Variants in MFSD2A observed in about 807,000 individuals in gnomAD.
MFSD2A encodes sodium-dependent lysophosphatidylcholine symporter 1.
Under a neutral mutation model 64.7 loss-of-function variants are expected in MFSD2A, and 27 were observed. The observed-to-expected ratio is 0.42, with a 90% CI of 0.31 to 0.58. The LOEUF (loss-of-function observed/expected upper bound fraction) is 0.58, where lower values mean the gene tolerates loss of function less well. Ranked by LOEUF, MFSD2A falls within the 20% of genes least tolerant of loss-of-function variation. The pLI, the probability that MFSD2A is intolerant of heterozygous loss-of-function variation, is 0.18. For synonymous variants in MFSD2A, 258 were observed against 273.4 expected, an observed-to-expected ratio of 0.94 and a Z score of 0.55; for missense variants, 474 against 679.5, an observed-to-expected ratio of 0.70 and a Z score of 3.36.
intron 3 of MFSD2A, among the ~76,000 whole-genome samples, chr1:39,962,153 TCTC>T (rs1266423179): frequency 6.6e-6 from 1 of 152,208 alleles, no homozygotes; most frequent in Non-Finnish European, 1.5e-5. Context: ...TCCCGCCTCA[TCTC>T]CTAATTCTAT....
At position 39,968,508 on chromosome 1, in the gene MFSD2A, G is replaced by A. The variant is rs746526884; in HGVS notation, c.1352+31G>A. ...TGGGGTGGGGACCTGGGGCAGGACT[G>A]GGCAGGGCCAGGCCCCAGGTGCCCC... On this transcript the variant is annotated intron_variant, in intron 12 of 13. Transcript: ENST00000372811. This position sits in a 1 kb window ranked among gnomAD's most constrained non-coding sequence, Gnocchi z 4.4. 1 of 1,613,930 alleles carries A rather than the reference G, an allele frequency of 6.2e-7. No individual in the cohort carries two copies. Among genetic ancestry groups the A allele is most frequent in the Non-Finnish European group, 8.5e-7 (1 of 1,179,902 alleles).
chr1:39,966,753 G>A, intron 7 of MFSD2A, 58 bp from the exon 8 acceptor site: 1 of 1,613,370 alleles, frequency 6.2e-7, no homozygotes, highest in East Asian at 2.2e-5. Context: ...TTTCTGCCTG[G>A]CCCTCAGGCT....
chr1:39,962,324 G>T (rs1478760919), intron 3 of MFSD2A, among the ~76,000 whole-genome samples: 1 of 152,166 alleles, frequency 6.6e-6, no homozygotes, highest in Non-Finnish European at 1.5e-5. Context: ...CAGGCCTTTG[G>T]CATGGATGCC....
intron 9 of MFSD2A, 168 bp from the exon 10 acceptor site, chr1:39,967,460 G>A (rs1645187939): frequency 3.0e-6 from 2 of 674,784 alleles, no homozygotes; most frequent in Non-Finnish European, 5.2e-6. Context: ...CCAGCTCTGA[G>A]CTCCCCTGGG....
rs1289696857 is a variant in MFSD2A, at chr1:39,958,227, T to C, written c.229-474T>C. ...TTGAGTGGGTAGTGACAAGTCCCTT[T>C]TTAAAAAGCATCTATAGGCTCCTTT... On this transcript the variant is annotated intron_variant, in intron 2 of 13. Transcript: ENST00000372811. The surrounding 1 kb of genome is among the most constrained non-coding windows in gnomAD (Gnocchi z 4.7). Among the ~76,000 whole-genome samples, 1 of 152,072 alleles carries C rather than the reference T, an allele frequency of 6.6e-6. No homozygotes were observed. Among genetic ancestry groups the C allele is most frequent in the Admixed American group, 6.5e-5 (1 of 15,272 alleles).
In MFSD2A at chr1:39,955,437, T is replaced by TG; in HGVS notation, c.93+57dup. ...GGCGAGGGGAGGGAGGAGGCGGAAA[T>TG]GGGGGATCAGGGGCGTCCCGGGGTC... On this transcript the variant is annotated intron_variant, in intron 1 of 13. Coordinates refer to ENST00000372811, the MANE Select transcript of MFSD2A (RefSeq NM_032793.5). The surrounding 1 kb of genome is among the most constrained non-coding windows in gnomAD (Gnocchi z 5.9). The TG allele has an allele frequency of 1.3e-6, 2 of 1,491,856 alleles. No individual in the cohort carries two copies. Among genetic ancestry groups the TG allele is most frequent in the Non-Finnish European group, 9.0e-7 (1 of 1,114,574 alleles). The allele number at this position is 1,491,856 out of a possible 1,614,324, so 92.4% of individuals were successfully genotyped here. A position where few individuals can be genotyped will look rare whatever the true frequency, so the allele number is the denominator to read the frequency against.
At chr1:39,967,286 AG>A in intron 9 of MFSD2A, 117 bp downstream of exon 9, 1 of 915,160 alleles carries the variant, frequency 1.1e-6, no homozygotes, top group South Asian at 1.6e-5. Context: ...TGAAAGGATG[AG>A]GGAGGCTTCT....
At position 39,962,764 on chromosome 1, in the gene MFSD2A, T is replaced by G. The variant is rs113575627; in HGVS notation, c.354-2447T>G. On this transcript the variant is annotated intron_variant, in intron 3 of 13. Coordinates refer to ENST00000372811, the MANE Select transcript of MFSD2A (RefSeq NM_032793.5). ...AAGCTGGGCCGCTTGGTGAAGGACA[T>G]GAAGATCAAGTCCCTGCAGGAGATC... 919 of 966,314 alleles carry G rather than the reference T, an allele frequency of 9.5e-4. 8 individuals are homozygous for G. The African/African-American group carries it at 0.013, about 14-fold the overall frequency. The allele number at this position is 966,314 out of a possible 1,614,324, so 59.9% of individuals were successfully genotyped here.
chr1:39,966,951 G>T lies in MFSD2A; in HGVS notation c.927+19G>T. On this transcript the variant is annotated intron_variant, in intron 8 of 13. Transcript: ENST00000372811. ...TTTCATGGTGAGTGGGTTCTGACAT[G>T]CTCAGCCTGAGAAGGAGGTGTAATG... The T allele has an allele frequency of 6.2e-7, 1 of 1,613,194 alleles. No homozygotes were observed. Among genetic ancestry groups the T allele is most frequent in the Non-Finnish European group, 8.5e-7 (1 of 1,180,016 alleles).
rs569395948 is a variant in MFSD2A at position 39,960,457 on chromosome 1, G to A, written c.353+1632G>A. 1.3e-5 allele frequency among the ~76,000 whole-genome samples: 2 copies of A among 152,326 alleles called. No homozygotes were observed. Among genetic ancestry groups the A allele is most frequent in the Admixed American group, 6.5e-5 (1 of 15,308 alleles). ...ATCCAGTCTTCAGGGCCGGGGGCAG[G>A]ACAGCCTGCCTTACCTGTGCAGGCT... On this transcript the variant is annotated intron_variant, in intron 3 of 13. Coordinates refer to ENST00000372811, the MANE Select transcript of MFSD2A (RefSeq NM_032793.5). The surrounding 1 kb of genome is among the most constrained non-coding windows in gnomAD (Gnocchi z 4.8).
At position 39,967,688 on chromosome 1, in the gene MFSD2A, A is replaced by C. The variant is rs372953307; in HGVS notation, c.1072A>C (p.Thr358Pro). The C allele has an allele frequency of 6.2e-7, 1 of 1,614,106 alleles. No homozygotes were observed. The highest frequency in any genetic ancestry group is 8.5e-7 in the Non-Finnish European group (1 of 1,179,986). Residue 358 changes from threonine to proline, a missense_variant, in exon 10 of 14, where the codon ACA (threonine) becomes CCA (proline). By Grantham distance (38) the Thr-to-Pro change is conservative (BLOSUM62 -1). Transcript: ENST00000372811. Reference sequence around the variant, plus strand: ...GTTCTTGACCCGGTTTGGCAAGAAGACAGCTGTATATGTTGGGATCTCAGT... The same window carrying C: ...GTTCTTGACCCGGTTTGGCAAGAAGCCAGCTGTATATGTTGGGATCTCAGT... ...QWFLTRFGKK[T>P]AVYVGISSAV...
Position 39,966,795 on chromosome 1 carries a change from C to T in MFSD2A, c.806-16C>T, listed in dbSNP as rs765448866. 1 of 1,614,052 alleles carries T rather than the reference C, an allele frequency of 6.2e-7. No homozygotes were observed. Among genetic ancestry groups the T allele is most frequent in the Admixed American group, 1.7e-5 (1 of 60,010 alleles). The stretch of plus-strand genomic sequence containing the variant: ...GGGGTCTCTGCTCCTTCCTCACTGT[C>T]CGCTCTGGCCCCCAGAACCCTATGA... On this transcript the variant is annotated splice_polypyrimidine_tract_variant and intron_variant, in intron 7 of 13. Coordinates refer to ENST00000372811, the MANE Select transcript of MFSD2A (RefSeq NM_032793.5).
chr1:39,966,388 C>T (rs926754905), intron 6 of MFSD2A, among the ~76,000 whole-genome samples: 1 of 152,126 alleles, frequency 6.6e-6, no homozygotes. Flanking sequence ...TGCACTCAAC[C>T]AGCCTGGTTT....
chr1:39,962,048 T>C (rs1400936165), intron 3 of MFSD2A, among the ~76,000 whole-genome samples: 3 of 152,234 alleles, frequency 2.0e-5, no homozygotes, highest in Non-Finnish European at 2.9e-5. Flanking sequence ...AAACACTGTT[T>C]GACATTTTAG....
rs1377845953 is a variant in MFSD2A, at chr1:39,958,833, G to A, written c.353+8G>A. 2.5e-6 allele frequency: 4 copies of A among 1,588,002 alleles called. No individual in the cohort carries two copies. The highest frequency in any genetic ancestry group is 1.7e-6 in the Non-Finnish European group (2 of 1,166,340). ...GGGTCGCCTTATGCCCTGGTGAGTA[G>A]AATATGCCCCTTCGAGGTGGCACAA... On this transcript the variant is annotated splice_region_variant and intron_variant, in intron 3 of 13. Transcript: ENST00000372811. The surrounding 1 kb of genome is among the most constrained non-coding windows in gnomAD (Gnocchi z 4.7).
Position 39,965,451 on chromosome 1 carries a change from T to A in MFSD2A, c.478-20T>A. Reference sequence around the variant, plus strand: ...TGTGTCCACCCGCCTGACCAGCCAATGACCTGTCTTCTATGCCAGTGTTTC... The same window carrying A: ...TGTGTCCACCCGCCTGACCAGCCAAAGACCTGTCTTCTATGCCAGTGTTTC... On this transcript the variant is annotated intron_variant, in intron 4 of 13. Transcript: ENST00000372811. The surrounding 1 kb of genome is among the most constrained non-coding windows in gnomAD (Gnocchi z 5.5). 1 of 1,613,994 alleles carries A rather than the reference T, an allele frequency of 6.2e-7. No individual in the cohort carries two copies. Among genetic ancestry groups the A allele is most frequent in the Non-Finnish European group, 8.5e-7 (1 of 1,179,954 alleles).
Position 39,966,612 on chromosome 1 carries a change from C to G in MFSD2A, c.726C>G (p.Tyr242Ter), listed in dbSNP as rs1445112919. ...TTSHRETQKAYLLAAGVIVCI... is the reference protein window; with the variant it reads ...TTSHRETQKA ...TCACCTCCTTATAGCAAAAGGCATA[C>G]CTGCTGGCAGCGGGGGTCATTGTCT... Residue 242 changes from tyrosine (Y) to a stop codon, truncating the protein, a stop_gained, in exon 7 of 14, where the codon TAC becomes TAG. Transcript: ENST00000372811. LOFTEE classifies it high-confidence loss of function. 1 of 1,613,006 alleles carries G rather than the reference C, an allele frequency of 6.2e-7. No individual in the cohort carries two copies. The highest frequency in any genetic ancestry group is 2.2e-5 in the East Asian group (1 of 44,862).
rs1485889556 is a variant in MFSD2A at position 39,968,830 on chromosome 1, GACTC to G, written c.1529+88_1529+91del. The G allele has an allele frequency of 5.5e-6, 8 of 1,448,208 alleles. No individual in the cohort carries two copies. Among genetic ancestry groups the G allele is most frequent in the Admixed American group, 1.9e-5 (1 of 53,642 alleles). The allele number at this position is 1,448,208 out of a possible 1,614,324, so 89.7% of individuals were successfully genotyped here. On this transcript the variant is annotated intron_variant, in intron 13 of 13. Coordinates refer to ENST00000372811, the MANE Select transcript of MFSD2A (RefSeq NM_032793.5). This position sits in a 1 kb window ranked among gnomAD's most constrained non-coding sequence, Gnocchi z 4.4. ...TTTGTGTCTCCTGTGGCCAAGTCCA[GACTC>G]ACCCCCCACACATCTTCTCTGGACA...
In MFSD2A at chr1:39,963,080, C is replaced by T; in HGVS notation, c.354-2131C>T. On this transcript the variant is annotated intron_variant, in intron 3 of 13. Coordinates refer to ENST00000372811, the MANE Select transcript of MFSD2A (RefSeq NM_032793.5). The surrounding 1 kb of genome is among the most constrained non-coding windows in gnomAD (Gnocchi z 4.2). ...GGGGGAACAAGATCAGCAAGCCCCA[C>T]ACCGTCCCTTGCAAGGTGACAGGCC... 3 of 1,386,272 alleles carry T rather than the reference C, an allele frequency of 2.2e-6. No individual in the cohort carries two copies. Among genetic ancestry groups the T allele is most frequent in the East Asian group, 2.4e-5 (1 of 41,366 alleles). 85.9% of individuals were successfully genotyped at this position (1,386,272 alleles called of 1,614,324 possible).
Sources: gnomAD v4.1 joint callset for allele counts (sites outside exome capture counted in the v4.1 genomes callset) on GRCh38, gnomAD v4.1.1 for gene constraint, Gnocchi (gnomAD v3.1) non-coding constraint, MANE v1.5 for transcripts, NCBI Gene and HGNC (gene_info 2026-07-23, HGNC 2026-07-21) for gene names.